The following RAB5A variants were observed in gnomAD, a reference collection of about 807,000 sequenced individuals.
RAB5A encodes ras-related protein Rab-5A.
A neutral mutation model predicts 25.7 loss-of-function variants in RAB5A; 8 were observed. That is an observed-to-expected ratio of 0.31 (90% confidence interval 0.18 to 0.56). RAB5A has a LOEUF of 0.56. Among genes scored for constraint, RAB5A ranks in the 20% least tolerant of loss-of-function variants. The pLI is 0.91. For missense variants in RAB5A, 192 were observed against 259.7 expected, an observed-to-expected ratio of 0.74 and a Z score of 1.79; for synonymous variants, 98 against 89.8, an observed-to-expected ratio of 1.09 and a Z score of -0.52.
intron 2 of RAB5A, among the ~76,000 whole-genome samples, chr3:19,967,660 G>A (rs1320255962): frequency 6.6e-6 from 1 of 152,028 alleles, no homozygotes; most frequent in Admixed American, 6.6e-5. Context: ...TTATTTTCTT[G>A]TTAGGCTTTT....
At chr3:19,978,170 T>C (rs773061677) in intron 4 of RAB5A, 140 bp from the exon 5 acceptor site, 7 of 677,698 alleles carry the variant, frequency 1.0e-5, no homozygotes, top group Admixed American at 5.6e-5. Context: ...TAGCTTATTA[T>C]ATAGTTGTTG....
At chr3:19,964,057 CATT>C (rs1249014918) in intron 2 of RAB5A, among the ~76,000 whole-genome samples, 1 of 152,136 alleles carries the variant, frequency 6.6e-6, no homozygotes, top group Non-Finnish European at 1.5e-5. Flanking sequence ...GGCTAGGAAG[CATT>C]ATGTGCTAGG....
intron 2 of RAB5A, among the ~76,000 whole-genome samples, chr3:19,957,790 C>T (rs1696526023): frequency 6.6e-6 from 1 of 151,130 alleles, no homozygotes; most frequent in African/African-American, 2.4e-5. Flanking sequence ...TTGATTTAGT[C>T]ACCTCACAAT....
At chr3:19,951,683 T>A (rs1183790889) in intron 2 of RAB5A, among the ~76,000 whole-genome samples, 2 of 133,122 alleles carry the variant, frequency 1.5e-5, no homozygotes, top group South Asian at 2.4e-4. Context: ...TAAGGGTGCA[T>A]GCCACCATGC....
intron 1 of RAB5A, among the ~76,000 whole-genome samples, chr3:19,950,284 T>C (rs977538821): frequency 1.3e-5 from 2 of 152,210 alleles, no homozygotes; most frequent in Admixed American, 1.3e-4. Context: ...ATGCATCGTT[T>C]AACAGAAAAC....
At chr3:19,960,808 T>C (rs1696573881) in intron 2 of RAB5A, among the ~76,000 whole-genome samples, 1 of 152,244 alleles carries the variant, frequency 6.6e-6, no homozygotes, top group Non-Finnish European at 1.5e-5. Flanking sequence ...AGAAGCAGGA[T>C]GAAGAACCGG....
intron 2 of RAB5A, among the ~76,000 whole-genome samples, chr3:19,963,364 A>AACCCCCCCC (rs1696615859): frequency 4.9e-5 from 3 of 60,960 alleles, no homozygotes; most frequent in Non-Finnish European, 5.8e-5. Flanking sequence ...TTAGAATTTC[A>AACCCCCCCC]CCCCCCCCCC....
At position 19,951,077 on chromosome 3, in the gene RAB5A, T is replaced by A; in HGVS notation, c.163+16T>A. On this transcript the variant is annotated intron_variant, in intron 2 of 5. Transcript: ENST00000273047. ...ACCATTGGGGGTGAGATTTTCTTTT[T>A]TCCCTGCTTCATTTAATCGAATCAT... 1 of 1,608,892 alleles carries A rather than the reference T, an allele frequency of 6.2e-7. No homozygotes were observed. Among genetic ancestry groups the A allele is most frequent in the Non-Finnish European group, 8.5e-7 (1 of 1,177,288 alleles).
intron 4 of RAB5A, among the ~76,000 whole-genome samples, chr3:19,977,991 A>G (rs925431096): frequency 6.6e-6 from 1 of 152,216 alleles, no homozygotes; most frequent in Non-Finnish European, 1.5e-5. Flanking sequence ...GAGATCAAAG[A>G]GAGTTTTATT....
intron 2 of RAB5A, among the ~76,000 whole-genome samples, chr3:19,967,633 A>G (rs1696679889): frequency 6.6e-6 from 1 of 152,256 alleles, no homozygotes; most frequent in South Asian, 2.1e-4. Context: ...TCTGTATGCT[A>G]TCTACATAAT....
At chr3:19,968,498 A>C (rs1180513442) in intron 2 of RAB5A, among the ~76,000 whole-genome samples, 1 of 152,202 alleles carries the variant, frequency 6.6e-6, no homozygotes, top group Non-Finnish European at 1.5e-5. Flanking sequence ...ACAGTCTGTC[A>C]CCCAGACTGG....
intron 4 of RAB5A, among the ~76,000 whole-genome samples, chr3:19,976,887 A>G (rs939939714): frequency 6.6e-6 from 1 of 152,146 alleles, no homozygotes; most frequent in East Asian, 1.9e-4. Flanking sequence ...GGGGCATTCA[A>G]ACATAAAGGT....
chr3:19,954,234 C>CA (rs1696466293), intron 2 of RAB5A, among the ~76,000 whole-genome samples: 1 of 152,074 alleles, frequency 6.6e-6, no homozygotes, highest in Admixed American at 6.5e-5. Flanking sequence ...AGGCTGGTCT[C>CA]AGACTCCTGA....
chr3:19,972,272 A>G (rs546598067), intron 2 of RAB5A, among the ~76,000 whole-genome samples: 22 of 152,350 alleles, frequency 1.4e-4, no homozygotes, highest in African/African-American at 4.6e-4. Flanking sequence ...TGCAAATATT[A>G]CAAAATCTTT....
At chr3:19,975,835 A>G in intron 3 of RAB5A, 83 bp downstream of exon 3, 1 of 1,448,990 alleles carries the variant, frequency 6.9e-7, no homozygotes, top group South Asian at 1.4e-5. Flanking sequence ...GTTTTGGAAA[A>G]TCTTTTTCTG....
chr3:19,958,849 G>T (rs1368354905), intron 2 of RAB5A, among the ~76,000 whole-genome samples: 6 of 152,116 alleles, frequency 3.9e-5, no homozygotes, highest in Admixed American at 1.3e-4. Context: ...TGAGACATGA[G>T]AATTGCTTCA....
intron 2 of RAB5A, among the ~76,000 whole-genome samples, chr3:19,952,661 A>G (rs947273366): frequency 1.3e-5 from 2 of 150,356 alleles, no homozygotes; most frequent in African/African-American, 5.0e-5. Context: ...ATGGCTGAGC[A>G]TCAGAAAGCA....
chr3:19,975,330 C>T (rs1037719714), intron 2 of RAB5A, among the ~76,000 whole-genome samples: 20 of 152,004 alleles, frequency 1.3e-4, no homozygotes, highest in Non-Finnish European at 2.8e-4. Context: ...CTACAAAGGC[C>T]CTATATGTAA....
chr3:19,972,748 ATTTG>A (rs1696768583), intron 2 of RAB5A, among the ~76,000 whole-genome samples: 1 of 152,106 alleles, frequency 6.6e-6, no homozygotes, highest in Non-Finnish European at 1.5e-5. Context: ...GGTAATGGGC[ATTTG>A]TTTGTCTTAA....
Sources: allele counts gnomAD v4.1 joint callset (sites outside exome capture counted in the v4.1 genomes callset), GRCh38; gene constraint gnomAD v4.1.1; transcripts MANE v1.5; gene names NCBI Gene and HGNC (gene_info 2026-07-23, HGNC 2026-07-21).